The following BANK1 variants were observed in gnomAD, a reference collection of about 807,000 sequenced individuals.
The protein encoded by BANK1 is B-cell scaffold protein with ankyrin repeats.
Under a neutral mutation model 94.5 loss-of-function variants are expected in BANK1, and 95 were observed. The observed-to-expected ratio is 1.00, with a 90% CI of 0.85 to 1.19. The LOEUF is 1.19. Among genes scored for constraint, BANK1 ranks in the 50% most tolerant of loss-of-function variants. BANK1 has a pLI of 0.00. For synonymous variants in BANK1, 334 were observed against 308.4 expected (o/e 1.08, Z -0.87); for missense variants, 987 against 932.2 (o/e 1.06, Z -0.77).
At position 101,826,077 on chromosome 4, in the gene BANK1, AT is replaced by A. The variant is rs373907024; in HGVS notation, c.71-3729del. ...TTTAAATTATAGAGTCAAAAAGTCA[AT>A]TCTGTAAATTCTTCATAGATTACTC... On this transcript the variant is annotated intron_variant, in intron 1 of 16. Coordinates refer to ENST00000322953, the MANE Select transcript of BANK1 (RefSeq NM_017935.5). Among the ~76,000 whole-genome samples the A allele has an allele frequency of 5.3e-4, 81 of 152,176 alleles. No individual in the cohort carries two copies. In the East Asian group the frequency reaches 0.013, roughly 25 times the overall value.
chr4:101,908,138 C>G (rs1176810071), intron 6 of BANK1, among the ~76,000 whole-genome samples: 4 of 152,184 alleles, frequency 2.6e-5, no homozygotes, highest in Non-Finnish European at 5.9e-5. Context: ...AGGCATCACA[C>G]TACCTGACTT....
intron 11 of BANK1, among the ~76,000 whole-genome samples, chr4:102,059,791 T>C (rs1415684232): frequency 2.6e-5 from 4 of 152,234 alleles, no homozygotes; most frequent in Non-Finnish European, 4.4e-5. Flanking sequence ...TTCCCAAAGA[T>C]AGAAAGACTG....
chr4:101,970,868 G>A (rs1284176665), intron 7 of BANK1, among the ~76,000 whole-genome samples: 2 of 152,080 alleles, frequency 1.3e-5, no homozygotes, highest in Non-Finnish European at 2.9e-5. Flanking sequence ...ATTTCCTTAG[G>A]ATTTCAGCTA....
chr4:101,790,912 G>A lies in BANK1; in HGVS notation c.32G>A (p.Gly11Glu). 2 of 1,538,412 alleles carry A rather than the reference G, an allele frequency of 1.3e-6. No individual in the cohort carries two copies. Among genetic ancestry groups the A allele is most frequent in the Non-Finnish European group, 1.7e-6 (2 of 1,147,076 alleles). ...CCAGCAGCGCCAGGCAAGGGGCTTGGGAGCCCGGACCCCGCCCCCTGCGGC... is the reference window on the plus strand; with the variant it reads ...CCAGCAGCGCCAGGCAAGGGGCTTGAGAGCCCGGACCCCGCCCCCTGCGGC... MLPAAPGKGL[G>E]SPDPAPCGPA... Residue 11 changes from glycine to glutamate, a missense_variant, in exon 1 of 17, where the codon GGG becomes GAG. Coordinates refer to ENST00000322953, the MANE Select transcript of BANK1 (RefSeq NM_017935.5).
chr4:101,818,053 C>T (rs370160595), intron 1 of BANK1, among the ~76,000 whole-genome samples: 40 of 152,228 alleles, frequency 2.6e-4, no homozygotes, highest in African/African-American at 8.9e-4. Context: ...ATTATGACAA[C>T]TAGAGCATTT....
chr4:101,813,214 T>G (rs1725783576), intron 1 of BANK1, among the ~76,000 whole-genome samples: 1 of 152,198 alleles, frequency 6.6e-6, no homozygotes, highest in African/African-American at 2.4e-5. Context: ...GGCCCTCATC[T>G]AACAAAAATC....
In BANK1 at chr4:101,895,405, A is replaced by T. The variant is rs1722036916; in HGVS notation, c.1004A>T (p.Asn335Ile). 6.5e-7 allele frequency: 1 copy of T among 1,540,344 alleles called. No homozygotes were observed. The change falls in exon 6 of 17, where the codon AAC (asparagine) becomes ATC (isoleucine). Residue 335 changes from asparagine (N) to isoleucine (I), a missense_variant. Coordinates refer to ENST00000322953, the MANE Select transcript of BANK1 (RefSeq NM_017935.5). ...CTTCAAACTGAAATTTGTTCTCAAA[A>T]CAAATGTGAGTATTTTCCAGCTGCA... is the stretch of plus-strand genomic sequence containing the variant. ...QSLQTEICSQ[N>I]KYTHFKELPT...
chr4:101,853,011 A>G lies in BANK1; in HGVS notation c.470-2024A>G, dbSNP rs192550579. Among the ~76,000 whole-genome samples, 10 of 152,224 alleles carry G rather than the reference A, an allele frequency of 6.6e-5. No homozygotes were observed. The East Asian group carries it at 1.9e-3, about 29-fold the overall frequency. ...AAAAGTATTGAGCCAGTTTTATACA[A>G]CCTTTCACTGTTTTGATTTGTGTAT... On this transcript the variant is annotated intron_variant, in intron 2 of 16. Coordinates refer to ENST00000322953, the MANE Select transcript of BANK1 (RefSeq NM_017935.5).
At chr4:101,932,619 T>C (rs1185911697) in intron 7 of BANK1, among the ~76,000 whole-genome samples, 1 of 151,532 alleles carries the variant, frequency 6.6e-6, no homozygotes, top group Admixed American at 6.6e-5. Flanking sequence ...TTATAGCTGA[T>C]GTATTATATG....
chr4:102,047,922 G>A (rs1315790179), intron 11 of BANK1, among the ~76,000 whole-genome samples: 1 of 152,030 alleles, frequency 6.6e-6, no homozygotes, highest in Non-Finnish European at 1.5e-5. Flanking sequence ...CACAGAAAAA[G>A]GGGAGGAGAG....
intron 10 of BANK1, among the ~76,000 whole-genome samples, chr4:102,035,593 A>T (rs1394218867): frequency 6.7e-6 from 1 of 149,660 alleles, no homozygotes; most frequent in Admixed American, 6.7e-5. Flanking sequence ...GCTTGCAGTG[A>T]TCCGAGATCG....
intron 7 of BANK1, among the ~76,000 whole-genome samples, chr4:102,015,180 AT>A (rs779821118): frequency 6.6e-6 from 1 of 151,886 alleles, no homozygotes; most frequent in Non-Finnish European, 1.5e-5. Flanking sequence ...GCTTATTTAA[AT>A]TTTTTTTAAT....
chr4:101,906,446 G>A (rs192293294), intron 6 of BANK1, among the ~76,000 whole-genome samples: 3 of 152,212 alleles, frequency 2.0e-5, no homozygotes, highest in African/African-American at 2.4e-5. Context: ...CGTTCAAGGC[G>A]CTGCTCAGTC....
At position 102,021,116 on chromosome 4, in the gene BANK1, A is replaced by G. The variant is rs183648347; in HGVS notation, c.1207-398A>G. ...ATTTCATTGTCTTTCACTGTATTAC[A>G]GTAATTGTAATTAAGAATATCTTTT... is the stretch of plus-strand genomic sequence containing the variant. On this transcript the variant is annotated intron_variant, in intron 7 of 16. Coordinates refer to ENST00000322953, the MANE Select transcript of BANK1 (RefSeq NM_017935.5). 1.4e-4 allele frequency among the ~76,000 whole-genome samples: 21 copies of G among 151,704 alleles called. No individual in the cohort carries two copies. In the Admixed American group the frequency reaches 1.4e-3, roughly 10 times the overall value.
At chr4:102,048,537 A>T (rs1042840316) in intron 11 of BANK1, among the ~76,000 whole-genome samples, 1 of 152,190 alleles carries the variant, frequency 6.6e-6, no homozygotes, top group Non-Finnish European at 1.5e-5. Flanking sequence ...GAAAAGCAGT[A>T]CATACTTCAC....
chr4:101,835,360 C>T (rs896337983), intron 2 of BANK1, among the ~76,000 whole-genome samples: 1 of 152,212 alleles, frequency 6.6e-6, no homozygotes, highest in Non-Finnish European at 1.5e-5. Flanking sequence ...ACTTCTGGAC[C>T]AGGCATGCTG....
Position 102,012,585 on chromosome 4 carries a change from T to C in BANK1, c.1207-8929T>C, listed in dbSNP as rs1311432184. Among the ~76,000 whole-genome samples the C allele has an allele frequency of 2.0e-5, 3 of 152,312 alleles. No individual in the cohort carries two copies. In the East Asian group the frequency reaches 5.8e-4, roughly 29 times the overall value. On this transcript the variant is annotated intron_variant, in intron 7 of 16. Transcript: ENST00000322953. ...TGTTTCATTTGTCAAATAACACTTA[T>C]CTAACAACAAAAGAGTATAATCTGT...
intron 2 of BANK1, 88 bp from the exon 3 acceptor site, chr4:101,854,947 G>T: frequency 1.0e-6 from 1 of 969,816 alleles, no homozygotes; most frequent in Non-Finnish European, 1.5e-6. Context: ...ATATTAAATT[G>T]GTTGTTTAGC....
chr4:101,849,979 A>C (rs931258551), intron 2 of BANK1, among the ~76,000 whole-genome samples: 1 of 152,184 alleles, frequency 6.6e-6, no homozygotes, highest in Non-Finnish European at 1.5e-5. Flanking sequence ...GAAAGATTCT[A>C]TTTGGCTTCA....
Sources: allele counts gnomAD v4.1 joint callset (sites outside exome capture counted in the v4.1 genomes callset), GRCh38; gene constraint gnomAD v4.1.1; transcripts MANE v1.5; gene names NCBI Gene and HGNC (gene_info 2026-07-23, HGNC 2026-07-21).